DYRK3: variants seen among roughly 807,000 people sequenced by gnomAD.
The protein encoded by DYRK3 is dual specificity tyrosine-phosphorylation-regulated kinase 3.
In DYRK3, 30 loss-of-function variants were observed where a neutral mutation model predicts 40.8. That is an observed-to-expected ratio of 0.74 (90% CI 0.55 to 1.00). The LOEUF is 1.00. DYRK3 is among the 50% of genes least tolerant of loss of function. The pLI, the probability that DYRK3 is intolerant of heterozygous loss-of-function variation, is 0.00. For missense variants in DYRK3, 699 were observed against 731.5 expected, an observed-to-expected ratio of 0.96 and a Z score of 0.51; for synonymous variants, 272 against 260.7, an observed-to-expected ratio of 1.04 and a Z score of -0.42.
Position 206,649,073 on chromosome 1 carries a change from CT to C in DYRK3, c.*115del. The C allele has an allele frequency of 1.6e-6, 2 of 1,227,554 alleles. No individual in the cohort carries two copies. Among genetic ancestry groups the C allele is most frequent in the South Asian group, 1.7e-5 (1 of 60,316 alleles). The allele number at this position is 1,227,554 out of a possible 1,614,324, so 76.0% of individuals were successfully genotyped here. A position where few individuals can be genotyped will look rare whatever the true frequency, so the allele number is the denominator to read the frequency against. ...TGGTGGATGTTTTTGTTAGAGTAGA[CT>C]TTTTTTAAACAAGACAAAACATTTT... On this transcript the variant is annotated 3_prime_UTR_variant, in exon 3 of 3. Coordinates refer to ENST00000367109, the MANE Select transcript of DYRK3 (RefSeq NM_003582.4).
chr1:206,648,103 A>G lies in DYRK3; in HGVS notation c.905A>G (p.Asn302Ser), dbSNP rs200692265. 231 of 1,614,062 alleles carry G rather than the reference A, an allele frequency of 1.4e-4. No homozygotes were observed. The highest frequency in any genetic ancestry group is 1.8e-4 in the Non-Finnish European group (218 of 1,180,040). Residue 302 changes from asparagine (N) to serine (S), a missense_variant, in exon 3 of 3, where the codon AAT (asparagine) becomes AGT (serine). Asn to Ser is a conservative substitution (Grantham distance 46). Transcript: ENST00000367109. The part of the protein sequence containing the change: ...SIDLYELIKK[N>S]KFQGFSVQLV... ...GACCTTTATGAGCTGATTAAAAAAA[A>G]TAAGTTTCAGGGTTTTAGCGTCCAG...
intron 2 of DYRK3, among the ~76,000 whole-genome samples, chr1:206,638,931 G>A (rs1440285271): frequency 6.9e-6 from 1 of 145,930 alleles, no homozygotes; most frequent in Non-Finnish European, 1.5e-5. Flanking sequence ...CCAGGCTGGA[G>A]TGCAGTGGTG....
intron 2 of DYRK3, among the ~76,000 whole-genome samples, chr1:206,640,296 T>G (rs1671250280): frequency 6.6e-6 from 1 of 152,170 alleles, no homozygotes; most frequent in Admixed American, 6.5e-5. Context: ...GACCTCTTGG[T>G]GCCACTTACA....
intron 2 of DYRK3, among the ~76,000 whole-genome samples, chr1:206,639,973 C>T (rs746514918): frequency 3.7e-5 from 5 of 135,080 alleles, no homozygotes; most frequent in South Asian, 4.7e-4. Flanking sequence ...CTCGCTCTCT[C>T]GCCCAGGCTG....
At position 206,652,368 on chromosome 1, in the gene DYRK3, C is replaced by T. The variant is rs1167965283; in HGVS notation, c.*3403C>T. ...TTTTTAGTGAGAGTTCTAGCCAGTA[C>T]TGTGCCTGAACTTGGGAGAGAAAGG... On this transcript the variant is annotated 3_prime_UTR_variant, in exon 3 of 3. Transcript: ENST00000367109. Among the ~76,000 whole-genome samples, 1 of 152,172 alleles carries T rather than the reference C, an allele frequency of 6.6e-6. No homozygotes were observed. The highest frequency in any genetic ancestry group is 1.5e-5 in the Non-Finnish European group (1 of 68,036).
intron 2 of DYRK3, among the ~76,000 whole-genome samples, chr1:206,640,676 G>A (rs1671264031): frequency 6.6e-6 from 1 of 150,960 alleles, no homozygotes; most frequent in South Asian, 2.1e-4. Context: ...TCAGCCTCCC[G>A]AGTAGCTGGG....
intron 2 of DYRK3, among the ~76,000 whole-genome samples, chr1:206,639,928 CT>C (rs1166474916): frequency 0.014 from 1,223 of 87,510 alleles, 18 homozygotes; most frequent in African/African-American, 0.047. Flanking sequence ...TTACTCATTT[CT>C]TTTTTTTTTT....
intron 2 of DYRK3, among the ~76,000 whole-genome samples, chr1:206,639,254 C>T (rs1370918511): frequency 2.0e-5 from 3 of 152,126 alleles, no homozygotes; most frequent in Admixed American, 2.0e-4. Flanking sequence ...CCCTATTTTT[C>T]GTCCCCTTTT....
chr1:206,647,652 C>T lies in DYRK3; in HGVS notation c.454C>T (p.His152Tyr), dbSNP rs1553420360. The change falls in exon 3 of 3, where the codon CAC (histidine) becomes TAC (tyrosine). Residue 152 changes from histidine to tyrosine, a missense_variant. His to Tyr is a moderately conservative substitution (Grantham distance 83, BLOSUM62 2). Coordinates refer to ENST00000367109, the MANE Select transcript of DYRK3 (RefSeq NM_003582.4). Reference protein sequence around the residue: ...TPEQALKQYKHHLTAYEKLEI... With the variant: ...TPEQALKQYKYHLTAYEKLEI... ...AGAACAAGCCCTGAAGCAATATAAA[C>T]ACCACCTCACTGCCTATGAGAAACT... 6.2e-7 allele frequency: 1 copy of T among 1,614,198 alleles called. No homozygotes were observed. The highest frequency in any genetic ancestry group is 8.5e-7 in the Non-Finnish European group (1 of 1,180,030).
Position 206,655,030 on chromosome 1 carries a change from G to A in DYRK3, c.*6065G>A, listed in dbSNP as rs1424583617. The stretch of plus-strand genomic sequence containing the variant: ...AGGTTTGAATGACTTTGGTGTCATG[G>A]GATTCTGTCCATTGTCCGTTTGAGT... On this transcript the variant is annotated 3_prime_UTR_variant, in exon 3 of 3. Transcript: ENST00000367109. Among the ~76,000 whole-genome samples the A allele has an allele frequency of 3.3e-5, 5 of 152,316 alleles. No homozygotes were observed. In the East Asian group the frequency reaches 5.8e-4, roughly 18 times the overall value.
intron 1 of DYRK3, 95 bp downstream of exon 1, chr1:206,635,875 C>T: frequency 1.6e-6 from 2 of 1,250,614 alleles, no homozygotes; most frequent in Non-Finnish European, 1.0e-6. Context: ...TAGAGTGAGC[C>T]CTCAGTAGGA....
rs1290196402 is a variant in DYRK3 at position 206,651,843 on chromosome 1, C to A, written c.*2878C>A. 3.3e-5 allele frequency among the ~76,000 whole-genome samples: 5 copies of A among 152,170 alleles called. No homozygotes were observed. Among genetic ancestry groups the A allele is most frequent in the African/African-American group, 1.2e-4 (5 of 41,436 alleles). On this transcript the variant is annotated 3_prime_UTR_variant, in exon 3 of 3. Coordinates refer to ENST00000367109, the MANE Select transcript of DYRK3 (RefSeq NM_003582.4). ...ACTGAATAGTAAATTAGAGAAAATG[C>A]TACTTTTACTATTTTGCATTTTATA...
Position 206,635,741 on chromosome 1 carries a change from C to T in DYRK3, c.38C>T (p.Ala13Val), listed in dbSNP as rs868948854. 10 of 1,245,588 alleles carry T rather than the reference C, an allele frequency of 8.0e-6. No homozygotes were observed. The highest frequency in any genetic ancestry group is 4.0e-5 in the South Asian group (1 of 25,088). 77.2% of individuals were successfully genotyped at this position (1,245,588 alleles called of 1,614,324 possible). ...GCTCGTGGGCCTGGGCGGAAGGATG[C>T]GGGGCCGCCTGGGGCCGGGCTCCCG... is the stretch of plus-strand genomic sequence containing the variant. ...GTARGPGRKD[A>V]GPPGAGLPPQ... The change falls in exon 1 of 3, where the codon GCG becomes GTG. Residue 13 changes from alanine (A) to valine (V), a missense_variant. By Grantham distance (64) the Ala-to-Val change is moderately conservative (BLOSUM62 0). Transcript: ENST00000367109.
intron 2 of DYRK3, among the ~76,000 whole-genome samples, chr1:206,640,761 A>T (rs1450084813): frequency 1.3e-5 from 2 of 152,052 alleles, no homozygotes; most frequent in Non-Finnish European, 2.9e-5. Flanking sequence ...CGTGTTAGCC[A>T]GGATGGTCTC....
rs1471024039 is a variant in DYRK3, at chr1:206,652,095, A to C, written c.*3130A>C. Among the ~76,000 whole-genome samples the C allele has an allele frequency of 1.3e-5, 2 of 152,170 alleles. No individual in the cohort carries two copies. The highest frequency in any genetic ancestry group is 4.8e-5 in the African/African-American group (2 of 41,434). ...TAAAGCCATGTGTGGGGTGGCGAGCACATCTTTAGGTGGCAGCAAGGCTAT... is the reference window on the plus strand; with the variant it reads ...TAAAGCCATGTGTGGGGTGGCGAGCCCATCTTTAGGTGGCAGCAAGGCTAT... On this transcript the variant is annotated 3_prime_UTR_variant, in exon 3 of 3. Transcript: ENST00000367109.
rs1239623970 is a variant in DYRK3 at position 206,654,324 on chromosome 1, C to T, written c.*5359C>T. Among the ~76,000 whole-genome samples the T allele has an allele frequency of 2.0e-5, 3 of 152,174 alleles. No homozygotes were observed. The highest frequency in any genetic ancestry group is 2.9e-5 in the Non-Finnish European group (2 of 68,040). ...AGAATTGCCAGAACATGTTTTCCTC[C>T]GTGTCTTCGGTCTAGATGACCAATC... On this transcript the variant is annotated 3_prime_UTR_variant, in exon 3 of 3. Coordinates refer to ENST00000367109, the MANE Select transcript of DYRK3 (RefSeq NM_003582.4).
rs920149966 is a variant in DYRK3 at position 206,651,320 on chromosome 1, C to T, written c.*2355C>T. Among the ~76,000 whole-genome samples the T allele has an allele frequency of 1.8e-4, 28 of 152,288 alleles. No homozygotes were observed. Among genetic ancestry groups the T allele is most frequent in the Non-Finnish European group, 7.4e-5 (5 of 68,026 alleles). Reference sequence around the variant, plus strand: ...CTGCTTCCCCGCATTAACCACATTGCGTAGGTTTGGGAATTTTGCAGGTGC... The same window carrying T: ...CTGCTTCCCCGCATTAACCACATTGTGTAGGTTTGGGAATTTTGCAGGTGC... On this transcript the variant is annotated 3_prime_UTR_variant, in exon 3 of 3. Coordinates refer to ENST00000367109, the MANE Select transcript of DYRK3 (RefSeq NM_003582.4).
rs1553421157 is a variant in DYRK3, at chr1:206,650,427, C to G, written c.*1462C>G. Reference sequence around the variant, plus strand: ...ACAAAAAATACAAAAATTAGCCAGGCCTAGTGGCACATGCCTGTAATCCCA... The same window carrying G: ...ACAAAAAATACAAAAATTAGCCAGGGCTAGTGGCACATGCCTGTAATCCCA... On this transcript the variant is annotated 3_prime_UTR_variant, in exon 3 of 3. Coordinates refer to ENST00000367109, the MANE Select transcript of DYRK3 (RefSeq NM_003582.4). Among the ~76,000 whole-genome samples, 1 of 151,682 alleles carries G rather than the reference C, an allele frequency of 6.6e-6. No homozygotes were observed. The highest frequency in any genetic ancestry group is 1.5e-5 in the Non-Finnish European group (1 of 67,938).
intron 2 of DYRK3, among the ~76,000 whole-genome samples, chr1:206,646,258 T>G (rs1553420100): frequency 6.6e-6 from 1 of 152,216 alleles, no homozygotes. Context: ...ATAGTTACCC[T>G]TTTTTTGTAA....
Sources: allele counts gnomAD v4.1 joint callset (sites outside exome capture counted in the v4.1 genomes callset), GRCh38; gene constraint gnomAD v4.1.1; transcripts MANE v1.5; gene names NCBI Gene and HGNC (gene_info 2026-07-23, HGNC 2026-07-21).